The following LRRC69 variants were observed in gnomAD, a reference collection of about 807,000 sequenced individuals.
LRRC69 encodes the protein leucine-rich repeat-containing protein 69.
In LRRC69, 42 loss-of-function variants were observed where a neutral mutation model predicts 37.8. The ratio of observed to expected loss-of-function variants is 1.11; its 90% confidence interval spans 0.87 to 1.44. The LOEUF is 1.44. Ranked by LOEUF, LRRC69 falls within the 40% of genes most tolerant of loss-of-function variation. The probability of loss-of-function intolerance (pLI) is 0.00; values close to 1 mark genes in which losing one functional copy is unlikely to be tolerated. For synonymous variants in LRRC69, 141 were observed against 143.1 expected (o/e 0.99, Z 0.11); for missense variants, 357 against 401.9 (o/e 0.89, Z 0.96).
chr8:91,124,460 A>G (rs1813684261), intron 1 of LRRC69, 33 bp from the exon 2 acceptor site: 2 of 1,479,122 alleles, frequency 1.4e-6, no homozygotes, highest in Non-Finnish European at 1.8e-6. Flanking sequence ...GTTGGATGAT[A>G]TATGAGTCCA....
At chr8:91,208,571 T>C (rs965758315) in intron 7 of LRRC69, among the ~76,000 whole-genome samples, 14 of 152,204 alleles carry the variant, frequency 9.2e-5, no homozygotes, top group Non-Finnish European at 1.3e-4. Context: ...ACTTAGCTTT[T>C]ATTTGGGCCC....
At chr8:91,198,054 G>A (rs989763014) in intron 6 of LRRC69, among the ~76,000 whole-genome samples, 1 of 152,132 alleles carries the variant, frequency 6.6e-6, no homozygotes, top group Non-Finnish European at 1.5e-5. Context: ...ACTGATTAAA[G>A]TACTTGCTGT....
intron 1 of LRRC69, among the ~76,000 whole-genome samples, chr8:91,115,190 G>A (rs1813489959): frequency 6.6e-6 from 1 of 151,580 alleles, no homozygotes; most frequent in African/African-American, 2.4e-5. Flanking sequence ...TAGATCTGAA[G>A]TGTTCTGATC....
intron 6 of LRRC69, among the ~76,000 whole-genome samples, chr8:91,190,258 G>T (rs1198807603): frequency 6.6e-6 from 1 of 151,052 alleles, no homozygotes; most frequent in Non-Finnish European, 1.5e-5. Flanking sequence ...CTTGTCCAGT[G>T]GCTTACTTTG....
At chr8:91,159,998 G>A (rs1300045589) in intron 5 of LRRC69, among the ~76,000 whole-genome samples, 2 of 150,956 alleles carry the variant, frequency 1.3e-5, no homozygotes, top group Non-Finnish European at 3.0e-5. Flanking sequence ...ACAAAAATAT[G>A]AATTCTTCCA....
chr8:91,179,267 C>A (rs1809284817), intron 5 of LRRC69, among the ~76,000 whole-genome samples: 1 of 152,128 alleles, frequency 6.6e-6, no homozygotes, highest in African/African-American at 2.4e-5. Context: ...CCTCAGAAAG[C>A]TTTCAATTGT....
intron 3 of LRRC69, among the ~76,000 whole-genome samples, chr8:91,128,107 C>T (rs556344480): frequency 2.0e-5 from 3 of 151,808 alleles, no homozygotes; most frequent in East Asian, 3.9e-4. Flanking sequence ...GCTTATCAAT[C>T]GATGTATATA....
intron 7 of LRRC69, among the ~76,000 whole-genome samples, chr8:91,201,459 T>C (rs1404491794): frequency 6.6e-6 from 1 of 152,218 alleles, no homozygotes; most frequent in Non-Finnish European, 1.5e-5. Context: ...AAACTTTACT[T>C]GTGAATTTAA....
chr8:91,219,034 A>C (rs1810111621), downstream of LRRC69: 1 of 1,232,724 alleles, frequency 8.1e-7, no homozygotes, highest in Non-Finnish European at 1.2e-6. Context: ...GCCTCACTCC[A>C]CTTGCCCTGT....
At chr8:91,125,732 G>A (rs1813703706) in intron 2 of LRRC69, among the ~76,000 whole-genome samples, 1 of 151,642 alleles carries the variant, frequency 6.6e-6, no homozygotes, top group African/African-American at 2.4e-5. Flanking sequence ...AAGGAATTTT[G>A]TATCATGTTG....
chr8:91,183,119 G>T (rs979053557), intron 5 of LRRC69, among the ~76,000 whole-genome samples: 10 of 152,210 alleles, frequency 6.6e-5, no homozygotes, highest in African/African-American at 2.4e-4. Context: ...CTCACAGATT[G>T]TATGGGAGCA....
intron 7 of LRRC69, among the ~76,000 whole-genome samples, chr8:91,204,486 G>A (rs961803059): frequency 1.3e-5 from 2 of 152,172 alleles, no homozygotes; most frequent in Admixed American, 6.5e-5. Context: ...TACTATGGCT[G>A]CCTTCAGGCA....
intron 4 of LRRC69, 120 bp downstream of exon 4, chr8:91,133,425 T>G (rs1813845705): frequency 1.5e-6 from 1 of 669,206 alleles, no homozygotes; most frequent in African/African-American, 1.9e-5. Flanking sequence ...TCTCTCAGAT[T>G]AAATGTAGTC....
chr8:91,194,329 C>T (rs1809555418), intron 6 of LRRC69, among the ~76,000 whole-genome samples: 1 of 150,868 alleles, frequency 6.6e-6, no homozygotes, highest in Non-Finnish European at 1.5e-5. Flanking sequence ...GTGTCTCTGC[C>T]AGGCTTTGGT....
At chr8:91,185,661 C>A (rs747118783) in intron 5 of LRRC69, among the ~76,000 whole-genome samples, 13 of 152,166 alleles carry the variant, frequency 8.5e-5, no homozygotes, top group Non-Finnish European at 1.9e-4. Context: ...CATACAGTTT[C>A]TTGAATTTCC....
intron 1 of LRRC69, among the ~76,000 whole-genome samples, chr8:91,112,960 TCAATC>T (rs1477651316): frequency 6.6e-6 from 1 of 151,722 alleles, no homozygotes; most frequent in African/African-American, 2.4e-5. Flanking sequence ...AATTAAAAAA[TCAATC>T]CATTTACAAT....
chr8:91,119,112 T>C (rs1239227503), intron 1 of LRRC69, among the ~76,000 whole-genome samples: 2 of 152,134 alleles, frequency 1.3e-5, no homozygotes, highest in African/African-American at 4.8e-5. Context: ...TCTTGTTCAC[T>C]CTTCCTCTAG....
chr8:91,151,371 T>G (rs1179257206), intron 5 of LRRC69, among the ~76,000 whole-genome samples: 1 of 151,966 alleles, frequency 6.6e-6, no homozygotes, highest in Non-Finnish European at 1.5e-5. Flanking sequence ...AGCAGGTTGT[T>G]CCGTTTCCAT....
chr8:91,204,121 CAAAAA>C (rs768420210), intron 7 of LRRC69, among the ~76,000 whole-genome samples: 1 of 52,436 alleles, frequency 1.9e-5, no homozygotes, highest in Admixed American at 2.2e-4. Flanking sequence ...GACTCCATCT[CAAAAA>C]AAAAAAAAAA....
Sources: gnomAD v4.1 joint callset for allele counts (sites outside exome capture counted in the v4.1 genomes callset) on GRCh38, gnomAD v4.1.1 for gene constraint, MANE v1.5 for transcripts, NCBI Gene and HGNC (gene_info 2026-07-23, HGNC 2026-07-21) for gene names.